Variants in SH2B2 observed in about 807,000 individuals in gnomAD.
SH2B2 encodes the protein SH2B adaptor protein 2.
SH2B2 carries 37 observed loss-of-function variants against 35.7 expected under a neutral mutation model. That is an observed-to-expected ratio of 1.04 (90% confidence interval 0.80 to 1.36). SH2B2 has a LOEUF of 1.36. Ranked by LOEUF, SH2B2 falls within the 40% of genes most tolerant of loss-of-function variation. The probability of loss-of-function intolerance (pLI) is 0.00; values close to 1 mark genes in which losing one functional copy is unlikely to be tolerated. For missense variants in SH2B2, 852 were observed against 817.7 expected, an observed-to-expected ratio of 1.04 and a Z score of -0.51; for synonymous variants, 383 against 376.4, an observed-to-expected ratio of 1.02 and a Z score of -0.20.
At position 102,300,683 on chromosome 7, in the gene SH2B2, T is replaced by C; in HGVS notation, c.133T>C (p.Phe45Leu). The change falls in exon 2 of 9, where the codon TTC (phenylalanine) becomes CTC (leucine). Residue 45 changes from phenylalanine to leucine, a missense_variant. Around this residue, in one of 3 missense-constraint regions of SH2B2, gnomAD observed 294 missense variants for 286.6 expected, o/e 1.03. Coordinates refer to ENST00000444095, the MANE Select transcript of SH2B2 (RefSeq NM_001359228.2). ...GGACTTTGCGCACAAGTTCTGCCGT[T>C]TCCTGCGGGACAACCCAGCTTACGA... ...AVDFAHKFCR[F>L]LRDNPAYDTP... is the part of the protein sequence containing the mutation. The C allele has an allele frequency of 6.5e-7, 1 of 1,547,200 alleles. No individual in the cohort carries two copies. Among genetic ancestry groups the C allele is most frequent in the Non-Finnish European group, 8.7e-7 (1 of 1,143,884 alleles).
At chr7:102,306,125 C>T (rs1164176166) in intron 2 of SH2B2, among the ~76,000 whole-genome samples, 3 of 151,812 alleles carry the variant, frequency 2.0e-5, no homozygotes, top group Non-Finnish European at 2.9e-5. Flanking sequence ...TCATTCTTGT[C>T]GCCCAGGCTG....
At chr7:102,302,840 C>T (rs976373969) in intron 2 of SH2B2, among the ~76,000 whole-genome samples, 5 of 151,946 alleles carry the variant, frequency 3.3e-5, no homozygotes, top group African/African-American at 1.2e-4. Context: ...ATCGCTTGAA[C>T]CCAAGAGGCA....
In SH2B2 at chr7:102,287,035, C is replaced by A. The variant is rs1422948448; in HGVS notation, c.-89C>A. The A allele has an allele frequency of 6.6e-6, 1 of 151,260 alleles. No homozygotes were observed. Among genetic ancestry groups the A allele is most frequent in the Non-Finnish European group, 1.5e-5 (1 of 67,744 alleles). The allele number at this position is 151,260 out of a possible 1,614,324, so 9.4% of individuals were successfully genotyped here. On this transcript the variant is annotated 5_prime_UTR_variant, in exon 1 of 9. Transcript: ENST00000444095. Reference sequence around the variant, plus strand: ...CCACCGGGCCCGGGGAGCCCGGCCGCGGTCCGGGCAGCGCTCAGCCGGCGC... The same window carrying A: ...CCACCGGGCCCGGGGAGCCCGGCCGAGGTCCGGGCAGCGCTCAGCCGGCGC...
chr7:102,289,542 A>T (rs1468537011), intron 1 of SH2B2, among the ~76,000 whole-genome samples: 3 of 152,164 alleles, frequency 2.0e-5, no homozygotes, highest in African/African-American at 7.2e-5. Flanking sequence ...CCTGGAGATC[A>T]GCCAGGCTGG....
At chr7:102,296,592 C>A (rs1167305088) in intron 1 of SH2B2, among the ~76,000 whole-genome samples, 2 of 152,188 alleles carry the variant, frequency 1.3e-5, no homozygotes, top group Non-Finnish European at 2.9e-5. Flanking sequence ...ATGGGCTGGG[C>A]CCAAGCCATG....
chr7:102,305,261 T>C (rs1274665312), intron 2 of SH2B2, among the ~76,000 whole-genome samples: 1 of 146,584 alleles, frequency 6.8e-6, no homozygotes, highest in Admixed American at 6.7e-5. Flanking sequence ...TTTTTTATTT[T>C]ATTTTATTTT....
chr7:102,308,792 C>A, intron 3 of SH2B2, 23 bp from the exon 4 acceptor site: 1 of 1,598,286 alleles, frequency 6.3e-7, no homozygotes, highest in Non-Finnish European at 8.6e-7. Flanking sequence ...GTGTTCTGCA[C>A]TCCCGGCCAC....
chr7:102,320,354 C>T lies in SH2B2; in HGVS notation c.1419C>T (p.Gly473=). ...AGCACCTGCGCCTGTCCCTGAACGG[C>T]CACGGCCAGTGTCACGTACAGCATC... is the stretch of plus-strand genomic sequence containing the variant. ...KAKHLRLSLN[G]HGQCHVQHLW... The change falls in exon 8 of 9, where the codon GGC becomes GGT. Residue 473 remains glycine, a synonymous_variant. Coordinates refer to ENST00000444095, the MANE Select transcript of SH2B2 (RefSeq NM_001359228.2). 1 of 1,612,448 alleles carries T rather than the reference C, an allele frequency of 6.2e-7. No individual in the cohort carries two copies. Among genetic ancestry groups the T allele is most frequent in the Non-Finnish European group, 8.5e-7 (1 of 1,179,850 alleles).
At chr7:102,316,191 T>C (rs1333444200) in intron 6 of SH2B2, among the ~76,000 whole-genome samples, 1 of 151,784 alleles carries the variant, frequency 6.6e-6, no homozygotes, top group Non-Finnish European at 1.5e-5. Context: ...GTGGGAGGAT[T>C]GCTTGAGCCC....
intron 2 of SH2B2, among the ~76,000 whole-genome samples, chr7:102,305,127 C>T (rs1364396242): frequency 6.6e-6 from 1 of 152,228 alleles, no homozygotes; most frequent in Non-Finnish European, 1.5e-5. Flanking sequence ...TTACTCACTC[C>T]AGGAAACAGT....
At chr7:102,308,411 C>G (rs1793485303) in intron 3 of SH2B2, among the ~76,000 whole-genome samples, 1 of 152,208 alleles carries the variant, frequency 6.6e-6, no homozygotes, top group South Asian at 2.1e-4. Flanking sequence ...TGCAAGCCCC[C>G]CTACTCAGTG....
chr7:102,302,600 C>T (rs1793234910), intron 2 of SH2B2, among the ~76,000 whole-genome samples: 1 of 152,230 alleles, frequency 6.6e-6, no homozygotes, highest in South Asian at 2.1e-4. Flanking sequence ...GTCCAGACCC[C>T]AGCCTGGTGG....
At chr7:102,287,469 T>C (rs911324213) in intron 1 of SH2B2, among the ~76,000 whole-genome samples, 1 of 152,010 alleles carries the variant, frequency 6.6e-6, no homozygotes, top group Non-Finnish European at 1.5e-5. Flanking sequence ...CCAGGTCTCT[T>C]CCCTACGCTG....
intron 4 of SH2B2, chr7:102,309,493 T>C (rs1034342559): frequency 3.2e-6 from 1 of 313,306 alleles, no homozygotes. Context: ...CCTAAGTAGC[T>C]GTGATTACAG....
Position 102,301,054 on chromosome 7 carries a change from C to A in SH2B2, c.504C>A (p.Thr168=). ...PEPDAAAAPR[T]AEPRDKWTRR... Reference sequence around the variant, plus strand: ...CCGACGCGGCAGCTGCCCCGCGCACCGCCGAGCCCCGCGACAAGTGGACGC... The same window carrying A: ...CCGACGCGGCAGCTGCCCCGCGCACAGCCGAGCCCCGCGACAAGTGGACGC... Residue 168 remains threonine, a synonymous_variant, in exon 2 of 9, where the codon ACC becomes ACA. Coordinates refer to ENST00000444095, the MANE Select transcript of SH2B2 (RefSeq NM_001359228.2). 7.3e-7 allele frequency: 1 copy of A among 1,369,460 alleles called. No homozygotes were observed. The allele number at this position is 1,369,460 out of a possible 1,614,324, so 84.8% of individuals were successfully genotyped here.
At chr7:102,286,305 A>C (rs1792444149), upstream of SH2B2, among the ~76,000 whole-genome samples, 1 of 152,020 alleles carries the variant, frequency 6.6e-6, no homozygotes, top group Admixed American at 6.5e-5. Context: ...CTCGAGATTT[A>C]TGAGAACCAG....
Position 102,308,904 on chromosome 7 carries a change from CG to C in SH2B2, c.923+1del, listed in dbSNP as rs781885930. 1 of 1,612,820 alleles carries C rather than the reference CG, an allele frequency of 6.2e-7. No individual in the cohort carries two copies. Reference protein sequence around the residue: ...VADIQGCVDPGDSEEDTELSC... With the variant: ...VADIQGCVDPXDSEEDTELSC... ...CTGACATCCAGGGCTGCGTGGACCCCGGGTGAGTGTCCAAGTGGCCCGAAGA... is the reference window on the plus strand; with the variant it reads ...CTGACATCCAGGGCTGCGTGGACCCCGGTGAGTGTCCAAGTGGCCCGAAGA... On this transcript the variant is annotated frameshift_variant and splice_region_variant, in exon 4 of 9. Coordinates refer to ENST00000444095, the MANE Select transcript of SH2B2 (RefSeq NM_001359228.2). LOFTEE classifies it high-confidence loss of function.
intron 3 of SH2B2, among the ~76,000 whole-genome samples, chr7:102,307,834 G>A (rs1586589657): frequency 1.3e-5 from 2 of 151,558 alleles, no homozygotes; most frequent in African/African-American, 4.9e-5. Flanking sequence ...GCAATGGCGC[G>A]ATCTCGGCTC....
chr7:102,304,374 C>T (rs1007576206), intron 2 of SH2B2, among the ~76,000 whole-genome samples: 5 of 152,152 alleles, frequency 3.3e-5, no homozygotes, highest in Non-Finnish European at 7.4e-5. Context: ...CTATGCCAGG[C>T]CAAGCCCTGG....
Sources: gnomAD v4.1 joint callset for allele counts (sites outside exome capture counted in the v4.1 genomes callset) on GRCh38, gnomAD v4.1.1 for gene constraint, gnomAD v4.1.1 regional missense constraint, MANE v1.5 for transcripts, NCBI Gene and HGNC (gene_info 2026-07-23, HGNC 2026-07-21) for gene names.